SLC25A20: variants seen among roughly 807,000 people sequenced by gnomAD.
The protein encoded by SLC25A20 is mitochondrial carnitine/acylcarnitine carrier protein.
Under a neutral mutation model 39.7 loss-of-function variants are expected in SLC25A20, and 29 were observed. That is an observed-to-expected ratio of 0.73 (90% CI 0.54 to 1.00). The LOEUF (loss-of-function observed/expected upper bound fraction) is 1.00. Ranked by LOEUF, SLC25A20 falls within the 50% of genes least tolerant of loss-of-function variation. The pLI, the probability that SLC25A20 is intolerant of heterozygous loss-of-function variation, is 0.00. For missense variants in SLC25A20, 333 were observed against 379.9 expected (o/e 0.88, Z 1.03); for synonymous variants, 103 against 142.2 (o/e 0.72, Z 1.96).
intron 5 of SLC25A20, among the ~76,000 whole-genome samples, chr3:48,860,856 C>T (rs1399986891): frequency 8.0e-5 from 11 of 136,754 alleles, no homozygotes; most frequent in South Asian, 6.9e-4. Flanking sequence ...TTTTTTGAGA[C>T]GGAGTCTCGC....
chr3:48,857,430 G>A lies in SLC25A20; in HGVS notation c.*280C>T. ...CAGTTAACTGGTAGGCAGCATTCTT[G>A]CCACAGGTAGTATCTGGTCTGGAAG... On this transcript the variant is annotated 3_prime_UTR_variant, in exon 9 of 9. Coordinates refer to ENST00000319017, the MANE Select transcript of SLC25A20 (RefSeq NM_000387.6). 3 of 446,696 alleles carry A rather than the reference G, an allele frequency of 6.7e-6. No homozygotes were observed. Among genetic ancestry groups the A allele is most frequent in the Non-Finnish European group, 1.2e-5 (3 of 240,192 alleles). The allele number at this position is 446,696 out of a possible 1,614,324, so 27.7% of individuals were successfully genotyped here. A position where few individuals can be genotyped will look rare whatever the true frequency, so the allele number is the denominator to read the frequency against.
At chr3:48,878,655 C>T (rs565900524) in intron 4 of SLC25A20, among the ~76,000 whole-genome samples, 1 of 151,638 alleles carries the variant, frequency 6.6e-6, no homozygotes, top group East Asian at 2.0e-4. Context: ...TAAAAATTAG[C>T]CTGGCATGGT....
Position 48,873,218 on chromosome 3 carries a change from C to T in SLC25A20, c.417+6140G>A, listed in dbSNP as rs574082219. ...CAGCCTGGGCAACAGAGCAAGACTC[C>T]GTCTCAAAAAAATAAAATATGCCAG... On this transcript the variant is annotated intron_variant, in intron 4 of 8. Transcript: ENST00000319017. Among the ~76,000 whole-genome samples, 10 of 149,020 alleles carry T rather than the reference C, an allele frequency of 6.7e-5. No homozygotes were observed. The East Asian group carries it at 1.0e-3, about 15-fold the overall frequency.
In SLC25A20 at chr3:48,897,346, A is replaced by AATATAT. The variant is rs34139351; in HGVS notation, c.105+1338_105+1343dup. ...TAGGAGCAATATTTGTGTGTGTGTGAATATATATATATATATATATATTTT... is the reference window on the plus strand; with the variant it reads ...TAGGAGCAATATTTGTGTGTGTGTGAATATATATATATATATATATATATATATTTT... On this transcript the variant is annotated intron_variant, in intron 1 of 8. Transcript: ENST00000319017. Among the ~76,000 whole-genome samples, 38 of 121,336 alleles carry AATATAT rather than the reference A, an allele frequency of 3.1e-4. 1 individual carries two copies. The highest frequency in any genetic ancestry group is 9.0e-3 in the Middle Eastern group (2 of 222). 79.6% of individuals were successfully genotyped at this position (121,336 alleles called of 152,430 possible).
chr3:48,866,579 A>G (rs1480056743), intron 4 of SLC25A20, among the ~76,000 whole-genome samples: 1 of 152,036 alleles, frequency 6.6e-6, no homozygotes, highest in Non-Finnish European at 1.5e-5. Context: ...AACAAAAACA[A>G]AAACAAGAAA....
rs1464345330 is a variant in SLC25A20, at chr3:48,857,574, A to G, written c.*136T>C. ...AGGATGTCATTAAGGCAACAGTCTC[A>G]CCAAGTCCATGCACAGGGCTCGGAT... On this transcript the variant is annotated 3_prime_UTR_variant, in exon 9 of 9. Coordinates refer to ENST00000319017, the MANE Select transcript of SLC25A20 (RefSeq NM_000387.6). The G allele has an allele frequency of 1.6e-5, 12 of 769,036 alleles. No individual in the cohort carries two copies. The allele number at this position is 769,036 out of a possible 1,614,324, so 47.6% of individuals were successfully genotyped here. A position where few individuals can be genotyped will look rare whatever the true frequency, so the allele number is the denominator to read the frequency against.
Position 48,868,028 on chromosome 3 carries a change from TC to T in SLC25A20, c.418-5370del, listed in dbSNP as rs943677319. 1.0e-4 allele frequency among the ~76,000 whole-genome samples: 15 copies of T among 150,510 alleles called. 1 individual carries two copies. Among genetic ancestry groups the T allele is most frequent in the African/African-American group, 2.9e-4 (12 of 40,940 alleles). ...GTGAGCCGAGATGGCGCCACTGCAC[TC>T]CAGCCTAGGCAACAAGAGCAAAAAC... On this transcript the variant is annotated intron_variant, in intron 4 of 8. Coordinates refer to ENST00000319017, the MANE Select transcript of SLC25A20 (RefSeq NM_000387.6).
intron 8 of SLC25A20, among the ~76,000 whole-genome samples, 194 bp from the exon 9 acceptor site, chr3:48,857,966 TTC>T (rs1228485628): frequency 6.0e-5 from 9 of 150,178 alleles, no homozygotes; most frequent in Non-Finnish European, 1.3e-4. Flanking sequence ...AACTGCCCAC[TTC>T]TTTTTTTTTT....
rs537602595 is a variant in SLC25A20, at chr3:48,859,939, G to C, written c.536-312C>G. On this transcript the variant is annotated intron_variant, in intron 5 of 8. Coordinates refer to ENST00000319017, the MANE Select transcript of SLC25A20 (RefSeq NM_000387.6). ...CCGAGCACTTTGGGAGGCTGAGGCA[G>C]GCACATCACCTGAGGCCAGGAATTC... Among the ~76,000 whole-genome samples the C allele has an allele frequency of 3.3e-5, 5 of 152,118 alleles. No homozygotes were observed. In the South Asian group the frequency reaches 1.0e-3, roughly 32 times the overall value.
intron 4 of SLC25A20, among the ~76,000 whole-genome samples, chr3:48,870,078 T>C (rs2106643646): frequency 6.6e-6 from 1 of 152,096 alleles, no homozygotes. Context: ...TGCATGTCTC[T>C]GCACTTTAGT....
At chr3:48,872,998 C>T (rs2083727942) in intron 4 of SLC25A20, among the ~76,000 whole-genome samples, 1 of 150,924 alleles carries the variant, frequency 6.6e-6, no homozygotes, top group African/African-American at 2.4e-5. Flanking sequence ...CCGAGATGGG[C>T]AAATCACCTG....
chr3:48,862,956 C>G (rs2083638610), intron 4 of SLC25A20, among the ~76,000 whole-genome samples: 1 of 152,128 alleles, frequency 6.6e-6, no homozygotes. Flanking sequence ...CTTTGGGAGG[C>G]CGAGGCAGGC....
At chr3:48,892,820 G>C (rs1161657451) in intron 1 of SLC25A20, among the ~76,000 whole-genome samples, 1 of 152,098 alleles carries the variant, frequency 6.6e-6, no homozygotes, top group Non-Finnish European at 1.5e-5. Context: ...TAGGTACTCT[G>C]TGGCCTAGTC....
At chr3:48,882,858 C>T (rs1160509072) in intron 3 of SLC25A20, among the ~76,000 whole-genome samples, 1 of 152,036 alleles carries the variant, frequency 6.6e-6, no homozygotes, top group African/African-American at 2.4e-5. Flanking sequence ...CACTGCATTC[C>T]AGCCTGGGTG....
At chr3:48,862,469 G>C in intron 5 of SLC25A20, 73 bp downstream of exon 5, 2 of 912,532 alleles carry the variant, frequency 2.2e-6, no homozygotes, top group Non-Finnish European at 3.7e-6. Flanking sequence ...GGCAATCCAG[G>C]CAAGACCTTC....
At chr3:48,897,691 G>C (rs938690614) in intron 1 of SLC25A20, among the ~76,000 whole-genome samples, 1 of 152,040 alleles carries the variant, frequency 6.6e-6, no homozygotes, top group Non-Finnish European at 1.5e-5. Context: ...GCCCAAGCTG[G>C]CCAAGAGGAA....
At position 48,858,568 on chromosome 3, in the gene SLC25A20, CCTT is replaced by C. The variant is rs754871147; in HGVS notation, c.779_781del (p.Glu260del). ...GAACCCTTTGTACAAGGATGTGACT[CCTT>C]CATCCCGGATCAGCTCCCTCAGCAC... On this transcript the variant is annotated inframe_deletion, in exon 8 of 9. Coordinates refer to ENST00000319017, the MANE Select transcript of SLC25A20 (RefSeq NM_000387.6). 612 of 1,614,106 alleles carry C rather than the reference CCTT, an allele frequency of 3.8e-4. No individual in the cohort carries two copies. The highest frequency in any genetic ancestry group is 4.3e-4 in the Non-Finnish European group (504 of 1,180,054).
At position 48,883,033 on chromosome 3, in the gene SLC25A20, A is replaced by C. The variant is rs1202372827; in HGVS notation, c.326+964T>G. Among the ~76,000 whole-genome samples, 4 of 6,210 alleles carry C rather than the reference A, an allele frequency of 6.4e-4. No individual in the cohort carries two copies. The Admixed American group carries it at 8.0e-3, about 12-fold the overall frequency. The allele number at this position is 6,210 out of a possible 152,430, so 4.1% of individuals were successfully genotyped here. A position where few individuals can be genotyped will look rare whatever the true frequency, so the allele number is the denominator to read the frequency against. ...AAACCCCGTCTCTACTAAAAATACA[A>C]AAAAAAAAAAAATTAGCCGGGCGTG... On this transcript the variant is annotated intron_variant, in intron 3 of 8. Coordinates refer to ENST00000319017, the MANE Select transcript of SLC25A20 (RefSeq NM_000387.6).
At chr3:48,864,179 C>T (rs1411862216) in intron 4 of SLC25A20, among the ~76,000 whole-genome samples, 1 of 151,644 alleles carries the variant, frequency 6.6e-6, no homozygotes, top group African/African-American at 2.4e-5. Flanking sequence ...GAGCCCCCAT[C>T]TCTACTAAAA....
Sources: allele counts gnomAD v4.1 joint callset (sites outside exome capture counted in the v4.1 genomes callset), GRCh38; gene constraint gnomAD v4.1.1; transcripts MANE v1.5; gene names NCBI Gene and HGNC (gene_info 2026-07-23, HGNC 2026-07-21).